ADK: variants seen among roughly 807,000 people sequenced by gnomAD.
The protein encoded by ADK is N6,N6-dimethyladenosine kinase.
ADK carries 24 observed loss-of-function variants against 44.7 expected under a neutral mutation model. The ratio of observed to expected loss-of-function variants is 0.54; its 90% CI spans 0.39 to 0.76. The LOEUF (loss-of-function observed/expected upper bound fraction) is 0.76. ADK is among the 30% of genes least tolerant of loss of function. The pLI, the probability that ADK is intolerant of heterozygous loss-of-function variation, is 0.00. For synonymous variants in ADK, 128 were observed against 142.6 expected (o/e 0.90, Z 0.73); for missense variants, 321 against 425.1 (o/e 0.76, Z 2.15).
intron 3 of ADK, among the ~76,000 whole-genome samples, chr10:74,302,126 T>TG (rs1840073746): frequency 8.9e-6 from 1 of 112,104 alleles, no homozygotes; most frequent in African/African-American, 3.7e-5. Context: ...TTTTTTTTTT[T>TG]TTTTTTTTTT....
At chr10:74,516,497 C>T (rs1338223968) in intron 6 of ADK, among the ~76,000 whole-genome samples, 4 of 151,360 alleles carry the variant, frequency 2.6e-5, no homozygotes, top group African/African-American at 9.7e-5. Context: ...GCTGATGTTA[C>T]TCCTTTATTG....
chr10:74,467,721 A>C (rs1846413108), intron 6 of ADK, among the ~76,000 whole-genome samples: 1 of 152,008 alleles, frequency 6.6e-6, no homozygotes, highest in South Asian at 2.1e-4. Context: ...TAATTTTCCC[A>C]AAAAAATTCA....
At chr10:74,240,319 A>C (rs1845156862) in intron 3 of ADK, among the ~76,000 whole-genome samples, 1 of 151,954 alleles carries the variant, frequency 6.6e-6, no homozygotes, top group South Asian at 2.1e-4. Context: ...AATCCTATCA[A>C]AATATTCCTG....
At chr10:74,657,273 A>C (rs2134155919) in intron 9 of ADK, among the ~76,000 whole-genome samples, 1 of 152,304 alleles carries the variant, frequency 6.6e-6, no homozygotes, top group African/African-American at 2.4e-5. Context: ...GAATGATGGA[A>C]AGTGAAAGCA....
intron 3 of ADK, among the ~76,000 whole-genome samples, chr10:74,303,586 T>A (rs1461600567): frequency 1.2e-5 from 1 of 86,014 alleles, no homozygotes; most frequent in African/African-American, 3.5e-5. Flanking sequence ...GGTTTTAATG[T>A]TGTTTTTTTT....
At chr10:74,325,738 G>GT (rs1203219952) in intron 4 of ADK, among the ~76,000 whole-genome samples, 2 of 151,990 alleles carry the variant, frequency 1.3e-5, no homozygotes, top group East Asian at 1.9e-4. Context: ...TTGAAATATG[G>GT]TTTTTTCCTG....
intron 7 of ADK, among the ~76,000 whole-genome samples, chr10:74,557,036 A>AT (rs781094952): frequency 6.6e-6 from 1 of 152,230 alleles, no homozygotes; most frequent in Non-Finnish European, 1.5e-5. Context: ...AATAAGCAAA[A>AT]TAAATTTCAA....
At chr10:74,341,382 T>G (rs1416495493) in intron 4 of ADK, among the ~76,000 whole-genome samples, 1 of 150,560 alleles carries the variant, frequency 6.6e-6, no homozygotes, top group Non-Finnish European at 1.5e-5. Context: ...AAAAATTAGC[T>G]GGGTGTGTTG....
chr10:74,646,839 G>A (rs1230299267), intron 9 of ADK, among the ~76,000 whole-genome samples: 1 of 152,134 alleles, frequency 6.6e-6, no homozygotes, highest in African/African-American at 2.4e-5. Flanking sequence ...GTGAAAAACA[G>A]TGGGTGCATT....
intron 4 of ADK, among the ~76,000 whole-genome samples, chr10:74,378,823 G>A (rs1842892774): frequency 6.6e-6 from 1 of 152,030 alleles, no homozygotes; most frequent in South Asian, 2.1e-4. Context: ...GTAGGGAGCC[G>A]GGTGTGGTGG....
intron 6 of ADK, among the ~76,000 whole-genome samples, chr10:74,418,717 A>G (rs1370417890): frequency 2.6e-5 from 4 of 152,210 alleles, no homozygotes; most frequent in Non-Finnish European, 5.9e-5. Flanking sequence ...CATAATCTGT[A>G]GAACTGCAGA....
At chr10:74,456,205 G>C (rs558281529) in intron 6 of ADK, among the ~76,000 whole-genome samples, 6 of 152,082 alleles carry the variant, frequency 3.9e-5, no homozygotes, top group African/African-American at 1.4e-4. Context: ...GACATCTACA[G>C]AACTCTCCAC....
chr10:74,250,442 CATGGA>C (rs1367731078), intron 3 of ADK, among the ~76,000 whole-genome samples: 6 of 152,134 alleles, frequency 3.9e-5, no homozygotes, highest in Admixed American at 1.3e-4. Context: ...CTGGGTATGT[CATGGA>C]GGGAGAGGTA....
At chr10:74,325,512 A>G (rs985573520) in intron 4 of ADK, among the ~76,000 whole-genome samples, 1 of 152,120 alleles carries the variant, frequency 6.6e-6, no homozygotes, top group African/African-American at 2.4e-5. Context: ...TGGGTCTTCT[A>G]GACTATGATG....
intron 7 of ADK, among the ~76,000 whole-genome samples, chr10:74,531,809 A>G (rs1589223815): frequency 6.6e-6 from 1 of 152,202 alleles, no homozygotes; most frequent in East Asian, 1.9e-4. Context: ...CTGGGATTAC[A>G]AGCATGAGCC....
chr10:74,170,863 T>C (rs1172500528), intron 1 of ADK, among the ~76,000 whole-genome samples: 7 of 151,288 alleles, frequency 4.6e-5, no homozygotes, highest in Non-Finnish European at 1.5e-5. Context: ...ATTATAACTA[T>C]AAAACCAGTA....
At chr10:74,327,480 G>C (rs1841062035) in intron 4 of ADK, among the ~76,000 whole-genome samples, 1 of 152,200 alleles carries the variant, frequency 6.6e-6, no homozygotes, top group African/African-American at 2.4e-5. Context: ...CCGCTGGATA[G>C]AATGTTCTGT....
chr10:74,200,433 G>C (rs1457776590), intron 1 of ADK, among the ~76,000 whole-genome samples: 1 of 149,400 alleles, frequency 6.7e-6, no homozygotes, highest in Non-Finnish European at 1.5e-5. Flanking sequence ...GCAGTGAGCT[G>C]AGATTGCACC....
At chr10:74,434,143 A>G (rs1376943405) in intron 6 of ADK, among the ~76,000 whole-genome samples, 1 of 152,162 alleles carries the variant, frequency 6.6e-6, no homozygotes, top group Non-Finnish European at 1.5e-5. Context: ...TACAGGAAGA[A>G]TGCCAAAAAT....
Sources: allele counts gnomAD v4.1 joint callset (sites outside exome capture counted in the v4.1 genomes callset), GRCh38; gene constraint gnomAD v4.1.1; transcripts MANE v1.5; gene names NCBI Gene and HGNC (gene_info 2026-07-23, HGNC 2026-07-21).